The following PTPRD variants were observed in gnomAD, a reference collection of about 807,000 sequenced individuals.
The protein encoded by PTPRD is receptor-type tyrosine-protein phosphatase delta.
In PTPRD, 34 loss-of-function variants were observed where a neutral mutation model predicts 214.5. The observed-to-expected ratio is 0.16, with a 90% CI of 0.12 to 0.21. PTPRD has a LOEUF of 0.21. Among genes scored for constraint, PTPRD ranks in the 10% least tolerant of loss-of-function variants. The pLI is 1.00. For missense variants in PTPRD, 2,545 were observed against 2,398.7 expected (o/e 1.06, Z -1.27); for synonymous variants, 1,128 against 845.7 (o/e 1.33, Z -5.79).
intron 11 of PTPRD, among the ~76,000 whole-genome samples, chr9:8,967,917 C>T (rs1200245530): frequency 1.5e-4 from 23 of 152,000 alleles, no homozygotes; most frequent in Non-Finnish European, 3.2e-4. Flanking sequence ...CTCCACCCCA[C>T]GAGAGGCCCC....
intron 11 of PTPRD, among the ~76,000 whole-genome samples, chr9:8,912,315 CGAGCAATGAAAA>C (rs1388829456): frequency 3.9e-5 from 6 of 152,012 alleles, no homozygotes; most frequent in African/African-American, 1.5e-4. Context: ...GGAGTAATAA[CGAGCAATGAAAA>C]GAAACAAACC....
chr9:9,307,971 G>C (rs1256911267), intron 9 of PTPRD, among the ~76,000 whole-genome samples: 1 of 152,088 alleles, frequency 6.6e-6, no homozygotes, highest in Non-Finnish European at 1.5e-5. Flanking sequence ...TAGCAGACAA[G>C]CTATCCTGCA....
chr9:8,453,075 A>G (rs1167698480), intron 33 of PTPRD, among the ~76,000 whole-genome samples: 1 of 152,206 alleles, frequency 6.6e-6, no homozygotes, highest in East Asian at 1.9e-4. Flanking sequence ...TTTGTGTATA[A>G]AATAGAGGGA....
At chr9:8,950,285 G>C (rs2099094468) in intron 11 of PTPRD, among the ~76,000 whole-genome samples, 2 of 152,116 alleles carry the variant, frequency 1.3e-5, no homozygotes. Flanking sequence ...GCATGGTTGT[G>C]AGATAGGTCA....
chr9:10,186,524 C>T (rs1018195642), intron 3 of PTPRD, among the ~76,000 whole-genome samples: 3 of 152,052 alleles, frequency 2.0e-5, no homozygotes, highest in African/African-American at 4.8e-5. Flanking sequence ...ATCATCTTTA[C>T]GAATCCTCCC....
At chr9:9,274,939 A>G (rs1267437375) in intron 9 of PTPRD, among the ~76,000 whole-genome samples, 1 of 144,980 alleles carries the variant, frequency 6.9e-6, no homozygotes, top group Admixed American at 7.3e-5. Context: ...CAAGATTTTA[A>G]TAAACATGAA....
At chr9:9,034,570 A>G (rs1379446940) in intron 10 of PTPRD, among the ~76,000 whole-genome samples, 3 of 152,168 alleles carry the variant, frequency 2.0e-5, no homozygotes, top group Non-Finnish European at 2.9e-5. Context: ...GAGCTTGTAC[A>G]TAATTCTATA....
At chr9:9,176,175 T>C (rs766582483) in intron 10 of PTPRD, among the ~76,000 whole-genome samples, 4 of 152,178 alleles carry the variant, frequency 2.6e-5, no homozygotes, top group African/African-American at 9.6e-5. Context: ...TGTAAGAAGG[T>C]TGTCAGCTTG....
intron 11 of PTPRD, among the ~76,000 whole-genome samples, chr9:8,964,815 G>A (rs1291171596): frequency 6.6e-6 from 1 of 152,096 alleles, no homozygotes; most frequent in Non-Finnish European, 1.5e-5. Flanking sequence ...TTATCCAAAA[G>A]TCATTCAGAA....
chr9:8,548,981 G>A (rs1031500435), intron 14 of PTPRD, among the ~76,000 whole-genome samples: 9 of 151,968 alleles, frequency 5.9e-5, no homozygotes, highest in African/African-American at 1.7e-4. Flanking sequence ...GTGAGCCACC[G>A]TGCCCGGGCC....
chr9:8,892,945 T>A (rs537454056), intron 11 of PTPRD, among the ~76,000 whole-genome samples: 7 of 152,008 alleles, frequency 4.6e-5, no homozygotes, highest in Non-Finnish European at 1.0e-4. Context: ...AAGTGAGTCA[T>A]GAAATTAAGA....
intron 2 of PTPRD, among the ~76,000 whole-genome samples, chr9:10,410,881 G>T (rs368640087): frequency 6.6e-6 from 1 of 151,656 alleles, no homozygotes; most frequent in East Asian, 2.0e-4. Flanking sequence ...GTCTGCCTAC[G>T]TTTAAATCAC....
chr9:8,427,881 C>T (rs1315655207), intron 35 of PTPRD, among the ~76,000 whole-genome samples: 1 of 151,680 alleles, frequency 6.6e-6, no homozygotes, highest in Non-Finnish European at 1.5e-5. Flanking sequence ...GTGGTACATG[C>T]AATGATGGAG....
chr9:9,105,283 T>C (rs1168223996), intron 10 of PTPRD, among the ~76,000 whole-genome samples: 2 of 152,138 alleles, frequency 1.3e-5, no homozygotes, highest in Admixed American at 1.3e-4. Context: ...TTGTTTTCAC[T>C]AAGCCTTTCA....
chr9:10,444,368 T>C lies in PTPRD; in HGVS notation c.-599-103351A>G, dbSNP rs767529238. Among the ~76,000 whole-genome samples the C allele has an allele frequency of 2.6e-5, 4 of 151,824 alleles. 1 individual carries two copies. Among genetic ancestry groups the C allele is most frequent in the East Asian group, 1.9e-4 (1 of 5,190 alleles). ...CCTATTTGAAAAATGCATAGCTCCA[T>C]AGTGGTAAGTAGATAAAAACACCTT... is the stretch of plus-strand genomic sequence containing the variant. On this transcript the variant is annotated intron_variant, in intron 2 of 45. Transcript: ENST00000381196.
chr9:8,375,897 T>C (rs2083111250), intron 39 of PTPRD, 39 bp downstream of exon 39: 3 of 1,589,840 alleles, frequency 1.9e-6, no homozygotes, highest in African/African-American at 2.7e-5. Context: ...TCAATTTAGC[T>C]TTCTGTTTCC....
chr9:10,575,824 G>A (rs562030953), intron 2 of PTPRD, among the ~76,000 whole-genome samples: 23 of 152,084 alleles, frequency 1.5e-4, no homozygotes, highest in Admixed American at 1.3e-3. Context: ...CTCCCTAGGG[G>A]TTCCAACATC....
intron 2 of PTPRD, among the ~76,000 whole-genome samples, chr9:10,448,131 C>A (rs994273733): frequency 1.3e-5 from 2 of 152,006 alleles, no homozygotes; most frequent in Non-Finnish European, 2.9e-5. Context: ...GCTACAAATT[C>A]AAGTCTTTTC....
chr9:9,225,824 A>G (rs1336883355), intron 9 of PTPRD, among the ~76,000 whole-genome samples: 1 of 152,014 alleles, frequency 6.6e-6, no homozygotes, highest in East Asian at 1.9e-4. Context: ...GACAGTTTGA[A>G]TAGTGTCTTT....
Sources: allele counts gnomAD v4.1 joint callset (sites outside exome capture counted in the v4.1 genomes callset), GRCh38; gene constraint gnomAD v4.1.1; transcripts MANE v1.5; gene names NCBI Gene and HGNC (gene_info 2026-07-23, HGNC 2026-07-21).